Variants in FSTL5 observed in about 807,000 individuals in gnomAD.
FSTL5 encodes follistatin like 5.
Under a neutral mutation model 89.1 loss-of-function variants are expected in FSTL5, and 62 were observed. That is an observed-to-expected ratio of 0.70 (90% CI 0.57 to 0.86). The LOEUF (loss-of-function observed/expected upper bound fraction) is 0.86, where lower values mean the gene tolerates loss of function less well. FSTL5 is among the 40% of genes least tolerant of loss of function. The pLI, the probability that FSTL5 is intolerant of heterozygous loss-of-function variation, is 0.00. For missense variants in FSTL5, 1,057 were observed against 1,001.6 expected (o/e 1.06, Z -0.75); for synonymous variants, 383 against 346.2 (o/e 1.11, Z -1.18).
At chr4:161,594,511 T>C (rs1272114112) in intron 7 of FSTL5, among the ~76,000 whole-genome samples, 1 of 152,090 alleles carries the variant, frequency 6.6e-6, no homozygotes, top group Non-Finnish European at 1.5e-5. Context: ...AAGTGTTTTA[T>C]TGAAATCTGT....
chr4:162,096,831 T>TA (rs1382721179), intron 2 of FSTL5, among the ~76,000 whole-genome samples: 36 of 151,976 alleles, frequency 2.4e-4, no homozygotes, highest in Admixed American at 2.2e-3. Context: ...TTTTTAACGT[T>TA]AACAATATTC....
chr4:161,609,986 C>T (rs56254609), intron 7 of FSTL5, among the ~76,000 whole-genome samples: 26,994 of 151,992 alleles, frequency 0.18, 2,799 homozygotes, highest in Non-Finnish European at 0.21. Context: ...TATTTTTTGA[C>T]ATTAATGTAA....
At chr4:161,864,337 A>C (rs1023859058) in intron 4 of FSTL5, among the ~76,000 whole-genome samples, 2 of 152,210 alleles carry the variant, frequency 1.3e-5, no homozygotes, top group Non-Finnish European at 2.9e-5. Flanking sequence ...TAAAAGCCGT[A>C]TGGTTAGAGA....
intron 8 of FSTL5, among the ~76,000 whole-genome samples, chr4:161,570,474 C>G (rs889439694): frequency 6.6e-6 from 1 of 152,114 alleles, no homozygotes; most frequent in Non-Finnish European, 1.5e-5. Context: ...ACCACAAAAA[C>G]TGAGAAATCA....
At chr4:161,989,257 T>C (rs1736046880) in intron 3 of FSTL5, among the ~76,000 whole-genome samples, 1 of 152,106 alleles carries the variant, frequency 6.6e-6, no homozygotes, top group Admixed American at 6.6e-5. Context: ...AAAGACAAAC[T>C]AGCACATGAA....
chr4:161,901,436 G>A (rs1176838889), intron 4 of FSTL5, among the ~76,000 whole-genome samples: 4 of 152,116 alleles, frequency 2.6e-5, no homozygotes, highest in Non-Finnish European at 5.9e-5. Context: ...CAGAGAGGGG[G>A]AGTGATAAGA....
chr4:161,437,344 A>G lies in FSTL5; in HGVS notation c.1841+17660T>C, dbSNP rs1002800209. On this transcript the variant is annotated intron_variant, in intron 15 of 15. Transcript: ENST00000306100. ...CACTTTGGGAGGCCGAGGCGGGCGG[A>G]TTACGAGGTCAGGAGATCGAGACCA... Among the ~76,000 whole-genome samples the G allele has an allele frequency of 1.3e-5, 2 of 152,012 alleles. 1 individual carries two copies. Among genetic ancestry groups the G allele is most frequent in the Non-Finnish European group, 2.9e-5 (2 of 67,992 alleles).
chr4:161,869,050 C>T (rs1041665739), intron 4 of FSTL5, among the ~76,000 whole-genome samples: 30 of 152,064 alleles, frequency 2.0e-4, no homozygotes, highest in African/African-American at 6.5e-4. Context: ...GGTGAAACCT[C>T]GTCTCTACAA....
At chr4:161,704,353 C>T (rs566073620) in intron 6 of FSTL5, among the ~76,000 whole-genome samples, 1 of 152,144 alleles carries the variant, frequency 6.6e-6, no homozygotes, top group South Asian at 2.1e-4. Flanking sequence ...AACTGTGCTC[C>T]GACCACCTTG....
At chr4:161,708,730 T>C (rs1489188264) in intron 6 of FSTL5, among the ~76,000 whole-genome samples, 4 of 152,132 alleles carry the variant, frequency 2.6e-5, no homozygotes, top group Non-Finnish European at 5.9e-5. Context: ...GTTTTAGTAA[T>C]TGGAGCTACA....
chr4:161,622,408 A>G (rs1735167486), intron 7 of FSTL5, among the ~76,000 whole-genome samples: 1 of 152,146 alleles, frequency 6.6e-6, no homozygotes, highest in South Asian at 2.1e-4. Context: ...TGACGTAAAA[A>G]CATAACAAAC....
At chr4:162,040,224 T>C (rs1737896002) in intron 2 of FSTL5, among the ~76,000 whole-genome samples, 1 of 152,034 alleles carries the variant, frequency 6.6e-6, no homozygotes, top group Non-Finnish European at 1.5e-5. Flanking sequence ...ACAAATTTGT[T>C]CTCATGTGCT....
intron 3 of FSTL5, among the ~76,000 whole-genome samples, chr4:161,936,450 G>A (rs1275364046): frequency 1.3e-5 from 2 of 152,074 alleles, no homozygotes; most frequent in Non-Finnish European, 2.9e-5. Flanking sequence ...GAGAACTGGA[G>A]GAAACAAACA....
chr4:161,837,082 C>T (rs17041636), intron 4 of FSTL5, among the ~76,000 whole-genome samples: 11,802 of 151,992 alleles, frequency 0.078, 528 homozygotes, highest in African/African-American at 0.12. Context: ...TGTTAAAATG[C>T]AGTGATAGGT....
intron 3 of FSTL5, among the ~76,000 whole-genome samples, chr4:162,028,726 T>G (rs914622722): frequency 1.3e-5 from 2 of 152,186 alleles, no homozygotes. Context: ...ATGCAATAAT[T>G]TGGAGAGTCT....
intron 4 of FSTL5, among the ~76,000 whole-genome samples, chr4:161,826,170 C>A (rs911508008): frequency 6.6e-6 from 1 of 152,000 alleles, no homozygotes; most frequent in Non-Finnish European, 1.5e-5. Context: ...TATTTAATTT[C>A]CATATATTTG....
chr4:161,845,745 A>C (rs948252821), intron 4 of FSTL5, among the ~76,000 whole-genome samples: 2 of 152,084 alleles, frequency 1.3e-5, no homozygotes, highest in Non-Finnish European at 2.9e-5. Flanking sequence ...TAAGTGTTTT[A>C]TCTGACGTCA....
At chr4:161,770,231 T>C (rs1312410850) in intron 5 of FSTL5, among the ~76,000 whole-genome samples, 1 of 151,886 alleles carries the variant, frequency 6.6e-6, no homozygotes, top group African/African-American at 2.4e-5. Flanking sequence ...ATAGTGGGTG[T>C]AGGTTGGTGG....
intron 3 of FSTL5, among the ~76,000 whole-genome samples, chr4:161,966,417 C>T (rs1004343190): frequency 2.6e-5 from 4 of 151,952 alleles, no homozygotes; most frequent in Admixed American, 1.3e-4. Flanking sequence ...TATTAAAAAG[C>T]CTATTATTGG....
Sources: gnomAD v4.1 joint callset for allele counts (sites outside exome capture counted in the v4.1 genomes callset) on GRCh38, gnomAD v4.1.1 for gene constraint, MANE v1.5 for transcripts, NCBI Gene and HGNC (gene_info 2026-07-23, HGNC 2026-07-21) for gene names.